The following SLC1A6 variants were observed in gnomAD, a reference collection of about 807,000 sequenced individuals.
The protein encoded by SLC1A6 is excitatory amino acid transporter 4.
Under a neutral mutation model 42.1 loss-of-function variants are expected in SLC1A6, and 15 were observed. The ratio of observed to expected loss-of-function variants is 0.36; its 90% confidence interval spans 0.24 to 0.55. The LOEUF is 0.55. Among genes scored for constraint, SLC1A6 ranks in the 20% least tolerant of loss-of-function variants. The probability of loss-of-function intolerance (pLI) is 0.88; values close to 1 mark genes in which losing one functional copy is unlikely to be tolerated. For missense variants in SLC1A6, 542 were observed against 772.5 expected (o/e 0.70, Z 3.54); for synonymous variants, 317 against 319.7 (o/e 0.99, Z 0.09).
At chr19:14,995,326 C>CAAAAAAAAAAAAAAAAAAAA (rs1173848535) in intron 1 of SLC1A6, among the ~76,000 whole-genome samples, 1 of 53,028 alleles carries the variant, frequency 1.9e-5, no homozygotes, top group Non-Finnish European at 3.4e-5. Context: ...ACTCCATCTC[C>CAAAAAAAAAAAAAAAAAAAA]AAAAAAAAAA....
chr19:14,996,531 C>CTTCTTCTTA (rs2145236841), intron 1 of SLC1A6, among the ~76,000 whole-genome samples: 1 of 110,178 alleles, frequency 9.1e-6, no homozygotes, highest in East Asian at 3.2e-4. Flanking sequence ...CCTCCTCTTT[C>CTTCTTCTTA]TTCTTCTTCT....
chr19:14,977,892 TAC>T (rs2045728885), intron 1 of SLC1A6: 1 of 152,222 alleles, frequency 6.6e-6, no homozygotes, highest in East Asian at 1.9e-4. Flanking sequence ...AGTAAAATGC[TAC>T]AGTGTGAGAA....
Position 15,008,029 on chromosome 19 carries a change from C to T in SLC1A6, c.6+2456G>A, listed in dbSNP as rs867487021. Among the ~76,000 whole-genome samples the T allele has an allele frequency of 4.4e-5, 6 of 135,932 alleles. No homozygotes were observed. In the East Asian group the frequency reaches 9.2e-4, roughly 21 times the overall value. 89.2% of individuals were successfully genotyped at this position (135,932 alleles called of 152,430 possible). On this transcript the variant is annotated intron_variant, in intron 1 of 8. Transcript: ENST00000430939. ...AACAAGATCAAAAGTCTGCCCCCCC[C>T]CCAAAAAAAAACCAACCACACACAC... is the stretch of plus-strand genomic sequence containing the variant.
chr19:14,962,154 G>A lies in SLC1A6; in HGVS notation c.783C>T (p.Gly261=), dbSNP rs755015682. The part of the protein sequence containing the change: ...LSFEETVPVP[G]SANGINALGL... ...CCAGGGCGTTGATGCCATTGGCGGA[G>A]CCAGGCACGGGTACAGTCTCCTCAA... Residue 261 remains glycine, a synonymous_variant, in exon 6 of 10, where the codon GGC becomes GGT. Coordinates refer to ENST00000594383, the MANE Select transcript of SLC1A6 (RefSeq NM_005071.3). 2 of 1,614,212 alleles carry A rather than the reference G, an allele frequency of 1.2e-6. No individual in the cohort carries two copies. Among genetic ancestry groups the A allele is most frequent in the Non-Finnish European group, 8.5e-7 (1 of 1,180,038 alleles).
chr19:14,964,365 C>G lies in SLC1A6; in HGVS notation c.549-4G>C. 1 of 1,613,376 alleles carries G rather than the reference C, an allele frequency of 6.2e-7. No homozygotes were observed. The highest frequency in any genetic ancestry group is 1.7e-5 in the Admixed American group (1 of 59,988). ...AAGGTTTGGTGGAAACATATTTCTG[C>G]AGAAAAACATGAGAAGAAGGAAAGT... On this transcript the variant is annotated splice_region_variant and splice_polypyrimidine_tract_variant and intron_variant, in intron 4 of 9. Coordinates refer to ENST00000594383, the MANE Select transcript of SLC1A6 (RefSeq NM_005071.3).
At chr19:14,989,272 A>T (rs35033483) in intron 1 of SLC1A6, among the ~76,000 whole-genome samples, 99,982 of 151,126 alleles carry the variant, frequency 0.66, 33,618 homozygotes, top group African/African-American at 0.78. Context: ...TTTAAAAAAA[A>T]TTTTTTAAGG....
chr19:14,960,948 G>C (rs915340254), intron 6 of SLC1A6, among the ~76,000 whole-genome samples: 1 of 98,610 alleles, frequency 1.0e-5, no homozygotes, highest in Non-Finnish European at 1.9e-5. Flanking sequence ...TTTTTTTTGA[G>C]ACTGGGTCTC....
chr19:14,968,153 C>G (rs2045594841), intron 4 of SLC1A6, 150 bp downstream of exon 4: 2 of 645,988 alleles, frequency 3.1e-6, no homozygotes, highest in Non-Finnish European at 5.3e-6. Context: ...CCTACTCCAA[C>G]CCCTCCTCCT....
chr19:14,978,029 A>C (rs1357115829), intron 1 of SLC1A6: 2 of 152,258 alleles, frequency 1.3e-5, no homozygotes, highest in Non-Finnish European at 2.9e-5. Flanking sequence ...CTTAGACTCC[A>C]CTTGGGCCTC....
intron 9 of SLC1A6, 80 bp downstream of exon 9, chr19:14,952,848 T>G (rs765962273): frequency 1.5e-5 from 22 of 1,493,294 alleles, no homozygotes; most frequent in Non-Finnish European, 2.0e-5. Flanking sequence ...GGAATAAAAG[T>G]CCACAGGTCG....
intron 1 of SLC1A6, chr19:14,977,537 T>C (rs2045724970): frequency 1.3e-5 from 2 of 152,228 alleles, no homozygotes; most frequent in Admixed American, 6.5e-5. Context: ...CCCAACACTT[T>C]GGGAGGTGAA....
intron 4 of SLC1A6, among the ~76,000 whole-genome samples, chr19:14,965,849 CA>C (rs36065519): frequency 0.64 from 82,241 of 128,854 alleles, 24,329 homozygotes; most frequent in African/African-American, 0.68. Context: ...GACTCTGTTT[CA>C]AAAAAAAAAA....
At chr19:14,962,602 CA>C in intron 5 of SLC1A6, among the ~76,000 whole-genome samples, 1 of 152,198 alleles carries the variant, frequency 6.6e-6, no homozygotes, top group East Asian at 1.9e-4. Context: ...GGAGCTTCCT[CA>C]AAAAATTAAA....
At chr19:14,967,014 T>C (rs184066109) in intron 4 of SLC1A6, among the ~76,000 whole-genome samples, 76 of 152,270 alleles carry the variant, frequency 5.0e-4, no homozygotes, top group African/African-American at 1.8e-3. Context: ...CTGCACGTTC[T>C]GCACATGTAT....
At chr19:15,002,921 T>G (rs2145242470) in intron 1 of SLC1A6, among the ~76,000 whole-genome samples, 1 of 149,526 alleles carries the variant, frequency 6.7e-6, no homozygotes, top group Middle Eastern at 3.4e-3. Context: ...TTTGTTTGTT[T>G]TCGGTTTGTG....
upstream of SLC1A6, among the ~76,000 whole-genome samples, chr19:14,983,354 A>G (rs564601828): frequency 6.6e-6 from 1 of 152,186 alleles, no homozygotes; most frequent in African/African-American, 2.4e-5. Context: ...TAGCGTTTCT[A>G]AGCTGAAGTG....
chr19:14,970,654 T>C (rs995615240), intron 3 of SLC1A6, among the ~76,000 whole-genome samples: 3 of 151,498 alleles, frequency 2.0e-5, no homozygotes, highest in African/African-American at 7.3e-5. Context: ...GTGCTTGCAG[T>C]GAGCGGAGAT....
At chr19:14,999,070 G>C (rs1010412037) in intron 1 of SLC1A6, among the ~76,000 whole-genome samples, 8 of 151,834 alleles carry the variant, frequency 5.3e-5, no homozygotes, top group Non-Finnish European at 1.0e-4. Context: ...AGTAGAGACG[G>C]GGTTTCATCG....
chr19:14,974,083 GT>G (rs2045676147), intron 1 of SLC1A6: 1 of 152,212 alleles, frequency 6.6e-6, no homozygotes, highest in South Asian at 2.1e-4. Context: ...CGAACCAGGC[GT>G]GGTGGCTCAC....
Sources: allele counts gnomAD v4.1 joint callset (sites outside exome capture counted in the v4.1 genomes callset), GRCh38; gene constraint gnomAD v4.1.1; transcripts MANE v1.5; gene names NCBI Gene and HGNC (gene_info 2026-07-23, HGNC 2026-07-21).